MIS18BP1: variants seen among roughly 807,000 people sequenced by gnomAD.
MIS18BP1 encodes the protein mis18-binding protein 1.
MIS18BP1 carries 72 observed loss-of-function variants against 116.1 expected under a neutral mutation model. The observed-to-expected ratio is 0.62, with a 90% CI of 0.51 to 0.75. MIS18BP1 has a LOEUF of 0.75. MIS18BP1 is among the 30% of genes least tolerant of loss of function. The pLI, the probability that MIS18BP1 is intolerant of heterozygous loss-of-function variation, is 0.00. For missense variants in MIS18BP1, 1,363 were observed against 1,303.2 expected, an observed-to-expected ratio of 1.05 and a Z score of -0.71; for synonymous variants, 386 against 427.0, an observed-to-expected ratio of 0.90 and a Z score of 1.18.
chr14:45,215,131 G>C (rs1890780541), intron 13 of MIS18BP1, among the ~76,000 whole-genome samples: 1 of 152,180 alleles, frequency 6.6e-6, no homozygotes, highest in Non-Finnish European at 1.5e-5. Flanking sequence ...GGGATAAAGG[G>C]TACAACCCCT....
chr14:45,239,260 G>A (rs1192698706), intron 4 of MIS18BP1, among the ~76,000 whole-genome samples: 6 of 152,194 alleles, frequency 3.9e-5, no homozygotes, highest in Admixed American at 3.3e-4. Flanking sequence ...AGGGTTGGGG[G>A]TGGAGGCAAG....
chr14:45,237,785 TA>T lies in MIS18BP1; in HGVS notation c.1144-65del. 7 of 1,515,610 alleles carry T rather than the reference TA, an allele frequency of 4.6e-6. No individual in the cohort carries two copies. In the South Asian group the frequency reaches 9.2e-5, roughly 20 times the overall value. The allele number at this position is 1,515,610 out of a possible 1,614,324, so 93.9% of individuals were successfully genotyped here. ...ACTTGCAGCACAAGCATTACAAAAT[TA>T]ACTTACATTAAAAGAAAAAACTTGT... On this transcript the variant is annotated intron_variant, in intron 4 of 16. Coordinates refer to ENST00000310806, the MANE Select transcript of MIS18BP1 (RefSeq NM_018353.5).
intron 15 of MIS18BP1, among the ~76,000 whole-genome samples, chr14:45,205,713 A>T (rs932119266): frequency 5.3e-5 from 8 of 152,288 alleles, no homozygotes; most frequent in African/African-American, 1.4e-4. Flanking sequence ...GAAATTTCTT[A>T]CTTTATGAGA....
intron 2 of MIS18BP1, among the ~76,000 whole-genome samples, chr14:45,245,627 G>A (rs1009197938): frequency 9.9e-5 from 15 of 152,110 alleles, no homozygotes; most frequent in African/African-American, 2.9e-4. Context: ...GCCTCTCAAA[G>A]TGACGGGATT....
At chr14:45,212,238 ATCTC>A (rs1357329387) in intron 13 of MIS18BP1, among the ~76,000 whole-genome samples, 2 of 151,718 alleles carry the variant, frequency 1.3e-5, no homozygotes, top group South Asian at 2.1e-4. Flanking sequence ...ATGGGCCCTA[ATCTC>A]TCTCTCTCTT....
intron 1 of MIS18BP1, among the ~76,000 whole-genome samples, chr14:45,248,991 G>A (rs1238987046): frequency 1.3e-5 from 2 of 151,348 alleles, no homozygotes; most frequent in African/African-American, 2.4e-5. Context: ...CTGCAACCTC[G>A]AAATCCTGGG....
intron 11 of MIS18BP1, among the ~76,000 whole-genome samples, chr14:45,219,724 C>A (rs559656811): frequency 2.0e-5 from 3 of 152,132 alleles, no homozygotes; most frequent in African/African-American, 4.8e-5. Context: ...TTAATGAATT[C>A]TTTTACATAA....
rs557120283 is a variant in MIS18BP1 at position 45,203,315 on chromosome 14, T to G, written c.*794A>C. ...ACATAACAAGCAAAAATAAGTTTATTTCTAAAAGAAATTTCAGTGAAAGAA... is the reference window on the plus strand; with the variant it reads ...ACATAACAAGCAAAAATAAGTTTATGTCTAAAAGAAATTTCAGTGAAAGAA... On this transcript the variant is annotated 3_prime_UTR_variant, in exon 17 of 17. Coordinates refer to ENST00000310806, the MANE Select transcript of MIS18BP1 (RefSeq NM_018353.5). 58 of 152,294 alleles carry G rather than the reference T, an allele frequency of 3.8e-4. No homozygotes were observed. The highest frequency in any genetic ancestry group is 1.2e-3 in the African/African-American group (51 of 41,580). 9.4% of individuals were successfully genotyped at this position (152,294 alleles called of 1,614,324 possible). A position where few individuals can be genotyped will look rare whatever the true frequency, so the allele number is the denominator to read the frequency against.
At chr14:45,217,316 C>A in intron 12 of MIS18BP1, 137 bp from the exon 13 acceptor site, 1 of 953,128 alleles carries the variant, frequency 1.0e-6, no homozygotes, top group Non-Finnish European at 1.5e-6. Context: ...TGGCCAGGCT[C>A]AGTGGCTCAT....
At position 45,210,393 on chromosome 14, in the gene MIS18BP1, C is replaced by A; in HGVS notation, c.3139G>T (p.Gly1047Cys). Residue 1047 changes from glycine to cysteine, a missense_variant, in exon 14 of 17, where the codon GGT (glycine) becomes TGT (cysteine). Physicochemically the swap from Gly to Cys is radical, Grantham distance 159. Transcript: ENST00000310806. ...QCQHVSPGMLGSINRNDCDKY... is the reference protein window; with the variant it reads ...QCQHVSPGMLCSINRNDCDKY... The stretch of plus-strand genomic sequence containing the variant: ...ATGAATATTTACCTATTTATAGAAC[C>A]TAGCATGCCAGGACTGACATGCTGA... The A allele has an allele frequency of 6.2e-7, 1 of 1,613,630 alleles. No homozygotes were observed. Among genetic ancestry groups the A allele is most frequent in the Non-Finnish European group, 8.5e-7 (1 of 1,179,840 alleles).
intron 3 of MIS18BP1, 85 bp from the exon 4 acceptor site, chr14:45,242,603 G>A (rs1225305266): frequency 1.3e-5 from 19 of 1,489,384 alleles, no homozygotes; most frequent in African/African-American, 2.8e-5. Context: ...GGTTAGGAAC[G>A]TTCCACCCTC....
intron 11 of MIS18BP1, among the ~76,000 whole-genome samples, chr14:45,218,966 G>C (rs1890898787): frequency 6.6e-6 from 1 of 150,800 alleles, no homozygotes; most frequent in Admixed American, 6.6e-5. Context: ...TCTTAATTAA[G>C]GAAAATGAAA....
At chr14:45,247,696 T>C (rs1891759519) in intron 1 of MIS18BP1, among the ~76,000 whole-genome samples, 1 of 151,820 alleles carries the variant, frequency 6.6e-6, no homozygotes, top group Non-Finnish European at 1.5e-5. Flanking sequence ...CAAGACCTTG[T>C]CTCAAAATAA....
At position 45,246,988 on chromosome 14, in the gene MIS18BP1, T is replaced by C. The variant is rs770898026; in HGVS notation, c.299A>G (p.Asp100Gly). 2.5e-6 allele frequency: 4 copies of C among 1,612,268 alleles called. No individual in the cohort carries two copies. The highest frequency in any genetic ancestry group is 2.7e-5 in the African/African-American group (2 of 74,810). The part of the protein sequence containing the change: ...LDISAIKPNK[D>G]GLKNKANYES... Reference sequence around the variant, plus strand: ...ATAGTTTGCTTTATTTTTTAATCCATCCTTGTTGGGCTTTATAGCACTGAT... The same window carrying C: ...ATAGTTTGCTTTATTTTTTAATCCACCCTTGTTGGGCTTTATAGCACTGAT... The change falls in exon 2 of 17, where the codon GAT becomes GGT. Residue 100 changes from aspartate to glycine, a missense_variant. By Grantham distance (94) the Asp-to-Gly change is moderately conservative (BLOSUM62 -1). Coordinates refer to ENST00000310806, the MANE Select transcript of MIS18BP1 (RefSeq NM_018353.5).
At chr14:45,209,009 A>G (rs1393641214) in intron 14 of MIS18BP1, among the ~76,000 whole-genome samples, 1 of 151,592 alleles carries the variant, frequency 6.6e-6, no homozygotes, top group African/African-American at 2.4e-5. Context: ...TTTTTTCTTA[A>G]TTTTATTTAT....
chr14:45,210,435 C>T lies in MIS18BP1; in HGVS notation c.3097G>A (p.Val1033Ile), dbSNP rs1346878358. The change falls in exon 14 of 17, where the codon GTA (valine) becomes ATA (isoleucine). Residue 1033 changes from valine (V) to isoleucine (I), a missense_variant. Coordinates refer to ENST00000310806, the MANE Select transcript of MIS18BP1 (RefSeq NM_018353.5). ...ACATGCTGACATTGAGGAGTTTTTA[C>T]CAATGGAAAGATAACTGATGATGGA... is the stretch of plus-strand genomic sequence containing the variant. ...TTPSSVIFPL[V>I]KTPQCQHVSP... 4 of 1,613,920 alleles carry T rather than the reference C, an allele frequency of 2.5e-6. No individual in the cohort carries two copies. Among genetic ancestry groups the T allele is most frequent in the South Asian group, 1.1e-5 (1 of 91,070 alleles).
At chr14:45,209,858 A>G (rs1038692170) in intron 14 of MIS18BP1, among the ~76,000 whole-genome samples, 4 of 152,214 alleles carry the variant, frequency 2.6e-5, no homozygotes, top group East Asian at 3.8e-4. Flanking sequence ...AAAATTAACA[A>G]TGCATTCCTT....
At chr14:45,247,494 T>C in intron 1 of MIS18BP1, 117 bp from the exon 2 acceptor site, 1 of 407,460 alleles carries the variant, frequency 2.5e-6, no homozygotes, top group Non-Finnish European at 4.3e-6. Context: ...ATAACAATAC[T>C]AGATAATCAC....
intron 2 of MIS18BP1, among the ~76,000 whole-genome samples, chr14:45,243,243 G>A (rs1372625100): frequency 6.6e-6 from 1 of 152,200 alleles, no homozygotes; most frequent in South Asian, 2.1e-4. Flanking sequence ...ACCCAGTCTT[G>A]AAAATTCCGA....
Sources: gnomAD v4.1 joint callset for allele counts (sites outside exome capture counted in the v4.1 genomes callset) on GRCh38, gnomAD v4.1.1 for gene constraint, MANE v1.5 for transcripts, NCBI Gene and HGNC (gene_info 2026-07-23, HGNC 2026-07-21) for gene names.